The following PRKAR2A variants were observed in gnomAD, a reference collection of about 807,000 sequenced individuals.
The protein encoded by PRKAR2A is cAMP-dependent protein kinase type II-alpha regulatory subunit.
PRKAR2A carries 29 observed loss-of-function variants against 51.9 expected under a neutral mutation model. The ratio of observed to expected loss-of-function variants is 0.56; its 90% confidence interval spans 0.42 to 0.76. The LOEUF (loss-of-function observed/expected upper bound fraction) is 0.76, where lower values mean the gene tolerates loss of function less well. PRKAR2A is among the 30% of genes least tolerant of loss of function. PRKAR2A has a pLI of 0.00. For synonymous variants in PRKAR2A, 178 were observed against 186.2 expected, an observed-to-expected ratio of 0.96 and a Z score of 0.36; for missense variants, 445 against 512.1, an observed-to-expected ratio of 0.87 and a Z score of 1.26.
intron 1 of PRKAR2A, among the ~76,000 whole-genome samples, chr3:48,826,960 G>A (rs2083078847): frequency 6.6e-6 from 1 of 151,642 alleles, no homozygotes. Context: ...AGATATCCAA[G>A]GCCACTGATG....
chr3:48,759,028 T>A (rs187557170), intron 8 of PRKAR2A, among the ~76,000 whole-genome samples: 1 of 152,324 alleles, frequency 6.6e-6, no homozygotes, highest in East Asian at 1.9e-4. Context: ...TAAATTTTAC[T>A]GATTTGGTAA....
In PRKAR2A at chr3:48,776,252, A is replaced by G. The variant is rs1455035212; in HGVS notation, c.543-3144T>C. ...CCACTGAGGGAAACATAAACTTTTC[A>G]GTTTCTGCAAGGTAATTAAAGCTTA... On this transcript the variant is annotated intron_variant, in intron 5 of 10. Coordinates refer to ENST00000265563, the MANE Select transcript of PRKAR2A (RefSeq NM_004157.4). 2.0e-5 allele frequency among the ~76,000 whole-genome samples: 3 copies of G among 152,204 alleles called. No homozygotes were observed. The East Asian group carries it at 5.8e-4, about 29-fold the overall frequency.
At chr3:48,806,468 A>T (rs899648108) in intron 2 of PRKAR2A, among the ~76,000 whole-genome samples, 2 of 152,214 alleles carry the variant, frequency 1.3e-5, no homozygotes, top group Non-Finnish European at 2.9e-5. Context: ...CCTTCTCAGG[A>T]ACAATCATTG....
intron 5 of PRKAR2A, among the ~76,000 whole-genome samples, chr3:48,775,160 C>T (rs771938616): frequency 5.3e-5 from 8 of 151,972 alleles, no homozygotes; most frequent in Non-Finnish European, 1.2e-4. Flanking sequence ...CAAAGCAGGT[C>T]GGGCACGGTG....
At position 48,747,040 on chromosome 3, in the gene PRKAR2A, CCTT is replaced by C. The variant is rs1342297749; in HGVS notation, c.*4542_*4544del. 2 of 108,390 alleles carry C rather than the reference CCTT, an allele frequency of 1.8e-5. No individual in the cohort carries two copies. Among genetic ancestry groups the C allele is most frequent in the African/African-American group, 6.8e-5 (2 of 29,472 alleles). The allele number at this position is 108,390 out of a possible 1,614,324, so 6.7% of individuals were successfully genotyped here. A position where few individuals can be genotyped will look rare whatever the true frequency, so the allele number is the denominator to read the frequency against. ...CCATGAGGTTAGTGACAGTTCTTGT[CCTT>C]TTTTTTTTTTTTTTTTTTTTTTTTA... On this transcript the variant is annotated 3_prime_UTR_variant, in exon 11 of 11. Coordinates refer to ENST00000265563, the MANE Select transcript of PRKAR2A (RefSeq NM_004157.4).
chr3:48,751,555 A>G lies in PRKAR2A; in HGVS notation c.*30T>C. ...TGGCTGACCAGAAGGTTTTGGTGTC[A>G]CACTAAGAAGGCTCTGGGGTGTGGC... is the stretch of plus-strand genomic sequence containing the variant. On this transcript the variant is annotated 3_prime_UTR_variant, in exon 11 of 11. Coordinates refer to ENST00000265563, the MANE Select transcript of PRKAR2A (RefSeq NM_004157.4). 1 of 1,604,046 alleles carries G rather than the reference A, an allele frequency of 6.2e-7. No homozygotes were observed.
At chr3:48,794,167 T>C in intron 2 of PRKAR2A, 118 bp from the exon 3 acceptor site, 3 of 799,198 alleles carry the variant, frequency 3.8e-6, no homozygotes, top group Non-Finnish European at 5.7e-6. Flanking sequence ...TTTTTTTTTT[T>C]TGAGACAGAG....
intron 5 of PRKAR2A, among the ~76,000 whole-genome samples, chr3:48,778,494 TAAAA>T (rs2082139518): frequency 2.6e-5 from 4 of 151,962 alleles, no homozygotes; most frequent in Non-Finnish European, 4.4e-5. Flanking sequence ...GCAAATTTTT[TAAAA>T]AATGCTTTTT....
intron 2 of PRKAR2A, among the ~76,000 whole-genome samples, chr3:48,800,561 G>A (rs185321179): frequency 6.6e-6 from 1 of 151,642 alleles, no homozygotes; most frequent in Non-Finnish European, 1.5e-5. Flanking sequence ...CACTAATTTG[G>A]GACTACATAA....
At chr3:48,790,905 G>C (rs528254765) in intron 3 of PRKAR2A, among the ~76,000 whole-genome samples, 1 of 151,694 alleles carries the variant, frequency 6.6e-6, no homozygotes, top group Non-Finnish European at 1.5e-5. Flanking sequence ...AAAGCAGAGG[G>C]TTATAAATTT....
intron 1 of PRKAR2A, among the ~76,000 whole-genome samples, chr3:48,828,708 CAAAAAAAAAA>C (rs547132768): frequency 1.1e-4 from 9 of 83,482 alleles, no homozygotes; most frequent in Non-Finnish European, 2.0e-4. Flanking sequence ...CCCCTGTCTC[CAAAAAAAAAA>C]AAAAAAAAAA....
rs531981100 is a variant in PRKAR2A, at chr3:48,786,155, C to T, written c.436-3063G>A. Among the ~76,000 whole-genome samples the T allele has an allele frequency of 1.7e-3, 241 of 145,228 alleles. 1 individual carries two copies. The highest frequency in any genetic ancestry group is 2.7e-3 in the Non-Finnish European group (179 of 66,714). On this transcript the variant is annotated intron_variant, in intron 4 of 10. Coordinates refer to ENST00000265563, the MANE Select transcript of PRKAR2A (RefSeq NM_004157.4). ...TTTTTTTTTTTTTGAGACAGAGTCT[C>T]GCTCTGTCACCCAGGCTGGAGTGCA...
At chr3:48,842,851 C>T (rs2083401677) in intron 1 of PRKAR2A, among the ~76,000 whole-genome samples, 1 of 152,188 alleles carries the variant, frequency 6.6e-6, no homozygotes, top group Non-Finnish European at 1.5e-5. Context: ...TCAATGTTCA[C>T]CAAGGATATT....
intron 1 of PRKAR2A, among the ~76,000 whole-genome samples, chr3:48,829,797 G>A (rs1475759521): frequency 1.4e-4 from 17 of 121,042 alleles, no homozygotes; most frequent in Middle Eastern, 4.7e-3. Flanking sequence ...AAATATATGC[G>A]TATATATACA....
intron 1 of PRKAR2A, among the ~76,000 whole-genome samples, chr3:48,825,234 TCA>T (rs1005231403): frequency 6.6e-6 from 1 of 151,868 alleles, no homozygotes; most frequent in African/African-American, 2.4e-5. Flanking sequence ...CAGGCTGGTC[TCA>T]AACTCCCAAC....
At chr3:48,834,966 T>A (rs972764727) in intron 1 of PRKAR2A, among the ~76,000 whole-genome samples, 1 of 148,452 alleles carries the variant, frequency 6.7e-6, no homozygotes, top group Non-Finnish European at 1.5e-5. Flanking sequence ...GGCAGGAGGA[T>A]CACTTTTTTT....
intron 1 of PRKAR2A, among the ~76,000 whole-genome samples, chr3:48,842,111 C>T (rs1041419888): frequency 3.9e-5 from 6 of 152,096 alleles, no homozygotes; most frequent in African/African-American, 1.4e-4. Flanking sequence ...TGTAGTTCTC[C>T]TTGAAGAGGT....
chr3:48,802,110 T>C (rs1381253638), intron 2 of PRKAR2A, among the ~76,000 whole-genome samples: 1 of 152,168 alleles, frequency 6.6e-6, no homozygotes, highest in African/African-American at 2.4e-5. Flanking sequence ...GGTTTCACGA[T>C]GTTGGCCAGG....
Position 48,781,497 on chromosome 3 carries a change from A to G in PRKAR2A, c.542+1489T>C, listed in dbSNP as rs1038372610. ...GCTGCTATTACAGGTGCACACCACC[A>G]CGCCCGGTTACTTTTTTATTTTTAT... On this transcript the variant is annotated intron_variant, in intron 5 of 10. Coordinates refer to ENST00000265563, the MANE Select transcript of PRKAR2A (RefSeq NM_004157.4). Among the ~76,000 whole-genome samples, 3 of 151,368 alleles carry G rather than the reference A, an allele frequency of 2.0e-5. No homozygotes were observed. In the Admixed American group the frequency reaches 2.0e-4, roughly 10 times the overall value.
Sources: allele counts gnomAD v4.1 joint callset (sites outside exome capture counted in the v4.1 genomes callset), GRCh38; gene constraint gnomAD v4.1.1; transcripts MANE v1.5; gene names NCBI Gene and HGNC (gene_info 2026-07-23, HGNC 2026-07-21).